Variants in CAMTA1 observed in about 807,000 individuals in gnomAD.
CAMTA1 encodes calmodulin-binding transcription activator 1.
Under a neutral mutation model 170.9 loss-of-function variants are expected in CAMTA1, and 27 were observed. The ratio of observed to expected loss-of-function variants is 0.16; its 90% CI spans 0.12 to 0.22. CAMTA1 has a LOEUF of 0.22. Ranked by LOEUF, CAMTA1 falls within the 10% of genes least tolerant of loss-of-function variation. CAMTA1 has a pLI of 1.00. For synonymous variants in CAMTA1, 833 were observed against 891.5 expected (o/e 0.93, Z 1.17); for missense variants, 1,619 against 2,217.2 (o/e 0.73, Z 5.42).
At chr1:7,655,278 C>T (rs928273643) in intron 7 of CAMTA1, among the ~76,000 whole-genome samples, 28 of 59,996 alleles carry the variant, frequency 4.7e-4, no homozygotes, top group African/African-American at 9.6e-4. Context: ...CTATACACAC[C>T]GTTATACACA....
intron 4 of CAMTA1, among the ~76,000 whole-genome samples, chr1:7,244,148 C>T (rs1168484237): frequency 6.6e-6 from 1 of 152,172 alleles, no homozygotes; most frequent in Non-Finnish European, 1.5e-5. Context: ...AAATGCTCAT[C>T]ATCACTGGCC....
chr1:7,570,773 C>T lies in CAMTA1; in HGVS notation c.511-69627C>T, dbSNP rs1437356775. On this transcript the variant is annotated intron_variant, in intron 6 of 22. Coordinates refer to ENST00000303635, the MANE Select transcript of CAMTA1 (RefSeq NM_015215.4). This position sits in a 1 kb window ranked among gnomAD's most constrained non-coding sequence, Gnocchi z 4.3. ...CTCACCTCTGCTCTCCATCACCCCC[C>T]ACCGCAGAGGGAAAATCAGTGTTAT... 1.3e-5 allele frequency among the ~76,000 whole-genome samples: 2 copies of T among 152,188 alleles called. No individual in the cohort carries two copies. Among genetic ancestry groups the T allele is most frequent in the Non-Finnish European group, 2.9e-5 (2 of 68,044 alleles).
intron 4 of CAMTA1, among the ~76,000 whole-genome samples, chr1:7,166,813 T>G (rs1431210270): frequency 1.3e-5 from 2 of 151,972 alleles, no homozygotes; most frequent in East Asian, 1.9e-4. Flanking sequence ...ATGCAGTTTT[T>G]TTTTTTTTTT....
At chr1:7,000,523 G>A (rs1698067764) in intron 3 of CAMTA1, among the ~76,000 whole-genome samples, 1 of 152,164 alleles carries the variant, frequency 6.6e-6, no homozygotes, top group African/African-American at 2.4e-5. Flanking sequence ...AACAAGCAGT[G>A]GAACAGTCTG....
At chr1:7,077,092 A>G (rs1009732706) in intron 3 of CAMTA1, among the ~76,000 whole-genome samples, 1 of 152,236 alleles carries the variant, frequency 6.6e-6, no homozygotes, top group African/African-American at 2.4e-5. Context: ...TCTGTTAGCT[A>G]CACAATTACC....
chr1:7,689,437 GGT>G (rs1352953646), intron 11 of CAMTA1, among the ~76,000 whole-genome samples: 1 of 151,720 alleles, frequency 6.6e-6, no homozygotes, highest in African/African-American at 2.4e-5. Flanking sequence ...AGCCAGGTGT[GGT>G]GGCACAGGTG....
At chr1:7,304,566 A>C (rs1430788428) in intron 5 of CAMTA1, among the ~76,000 whole-genome samples, 1 of 151,410 alleles carries the variant, frequency 6.6e-6, no homozygotes, top group African/African-American at 2.4e-5. Flanking sequence ...TTGTTTCCTC[A>C]AGCCCTTATC....
Position 7,633,919 on chromosome 1 carries a change from TGTGGCATGGAGC to T in CAMTA1, c.511-6474_511-6463del, listed in dbSNP as rs2095689905. On this transcript the variant is annotated intron_variant, in intron 6 of 22. Transcript: ENST00000303635. The surrounding 1 kb of genome is among the most constrained non-coding windows in gnomAD (Gnocchi z 4.1). ...CCACAAGAAAGTGACCTGGGACCAA[TGTGGCATGGAGC>T]GTGGCAGCCAGAGACCACAGCCCAG... is the stretch of plus-strand genomic sequence containing the variant. 6.6e-6 allele frequency among the ~76,000 whole-genome samples: 1 copy of T among 152,190 alleles called. No homozygotes were observed. The highest frequency in any genetic ancestry group is 2.4e-5 in the African/African-American group (1 of 41,450).
intron 6 of CAMTA1, among the ~76,000 whole-genome samples, chr1:7,590,728 A>T (rs770578394): frequency 2.6e-5 from 4 of 152,062 alleles, no homozygotes; most frequent in Admixed American, 1.3e-4. Flanking sequence ...TTTCAAAAGG[A>T]CCGGCACCTT....
intron 11 of CAMTA1, among the ~76,000 whole-genome samples, chr1:7,727,401 C>T (rs1044829307): frequency 6.6e-6 from 1 of 152,150 alleles, no homozygotes; most frequent in Admixed American, 6.6e-5. Flanking sequence ...GGATTACAGG[C>T]GTGAGCCACC....
At chr1:7,725,338 AAG>A (rs2096677483) in intron 11 of CAMTA1, among the ~76,000 whole-genome samples, 1 of 152,228 alleles carries the variant, frequency 6.6e-6, no homozygotes, top group African/African-American at 2.4e-5. Flanking sequence ...CAAAGTAATA[AAG>A]AGGTCAGATG....
chr1:7,639,765 T>C lies in CAMTA1; in HGVS notation c.511-635T>C, dbSNP rs570234573. On this transcript the variant is annotated intron_variant, in intron 6 of 22. Coordinates refer to ENST00000303635, the MANE Select transcript of CAMTA1 (RefSeq NM_015215.4). ...CAACCTGGACGATGGAGTGAGACTC[T>C]GTCTAAAGAAAAAAAAAAAAAGTGC... 6.5e-4 allele frequency among the ~76,000 whole-genome samples: 93 copies of C among 142,062 alleles called. 1 individual carries two copies. The highest frequency in any genetic ancestry group is 2.8e-3 in the African/African-American group (93 of 32,676). The allele number at this position is 142,062 out of a possible 152,430, so 93.2% of individuals were successfully genotyped here.
At chr1:7,505,467 C>A (rs1012145630) in intron 6 of CAMTA1, among the ~76,000 whole-genome samples, 15 of 152,192 alleles carry the variant, frequency 9.9e-5, no homozygotes, top group African/African-American at 3.6e-4. Context: ...ACCCTCTCCA[C>A]GGCCCCAGAG....
At chr1:7,106,990 G>A (rs952462414) in intron 4 of CAMTA1, among the ~76,000 whole-genome samples, 4 of 151,928 alleles carry the variant, frequency 2.6e-5, no homozygotes, top group African/African-American at 7.3e-5. Flanking sequence ...CGTGGAAACC[G>A]CCAGGGACAG....
chr1:6,924,497 C>G (rs924470346), intron 3 of CAMTA1, among the ~76,000 whole-genome samples: 4 of 152,152 alleles, frequency 2.6e-5, no homozygotes, highest in African/African-American at 9.7e-5. Context: ...AGGGAGGTGA[C>G]CAGGGGCGGC....
At chr1:6,881,977 A>T (rs985608654) in intron 3 of CAMTA1, among the ~76,000 whole-genome samples, 2 of 152,130 alleles carry the variant, frequency 1.3e-5, no homozygotes, top group Non-Finnish European at 2.9e-5. Flanking sequence ...AAAAAAATAA[A>T]AGTAAAATAA....
At chr1:7,100,880 G>A (rs917436918) in intron 4 of CAMTA1, among the ~76,000 whole-genome samples, 2 of 152,204 alleles carry the variant, frequency 1.3e-5, no homozygotes, top group African/African-American at 4.8e-5. Context: ...TTCTGCATGT[G>A]TCTTCTTTGG....
intron 4 of CAMTA1, among the ~76,000 whole-genome samples, chr1:7,185,786 C>A (rs779611764): frequency 6.6e-6 from 1 of 152,144 alleles, no homozygotes; most frequent in African/African-American, 2.4e-5. Context: ...TTTGACAAAC[C>A]TAAACTGAGT....
At chr1:7,413,947 T>C (rs574913491) in intron 5 of CAMTA1, among the ~76,000 whole-genome samples, 2 of 152,240 alleles carry the variant, frequency 1.3e-5, no homozygotes, top group Non-Finnish European at 2.9e-5. Flanking sequence ...ACCTAATTTA[T>C]TGAGAGCTTT....
Sources: allele counts gnomAD v4.1 joint callset (sites outside exome capture counted in the v4.1 genomes callset), GRCh38; gene constraint gnomAD v4.1.1; non-coding constraint Gnocchi (gnomAD v3.1); transcripts MANE v1.5; gene names NCBI Gene and HGNC (gene_info 2026-07-23, HGNC 2026-07-21).